The following ABCA6 variants were observed in gnomAD, a reference collection of about 807,000 sequenced individuals.
The protein encoded by ABCA6 is ATP binding cassette subfamily A member 6.
Under a neutral mutation model 191.2 loss-of-function variants are expected in ABCA6, and 164 were observed. That is an observed-to-expected ratio of 0.86 (90% CI 0.76 to 0.98). The LOEUF is 0.98. Ranked by LOEUF, ABCA6 falls within the 50% of genes least tolerant of loss-of-function variation. The pLI is 0.00. For missense variants in ABCA6, 1,958 were observed against 1,894.1 expected, an observed-to-expected ratio of 1.03 and a Z score of -0.63; for synonymous variants, 636 against 647.7, an observed-to-expected ratio of 0.98 and a Z score of 0.27.
intron 3 of ABCA6, 146 bp from the exon 4 acceptor site, chr17:69,136,396 AG>A (rs933306882): frequency 2.0e-5 from 13 of 640,128 alleles, no homozygotes; most frequent in Non-Finnish European, 2.9e-5. Context: ...CCCAAATGCA[AG>A]GGGGGAAATT....
chr17:69,091,066 G>C (rs1388381274), intron 26 of ABCA6, 77 bp downstream of exon 26: 8 of 1,442,066 alleles, frequency 5.5e-6, no homozygotes, highest in Non-Finnish European at 7.5e-6. Flanking sequence ...ACTACTTTCT[G>C]TCTCTCTTGA....
At chr17:69,085,991 G>A (rs1046966340) in intron 30 of ABCA6, among the ~76,000 whole-genome samples, 10 of 151,970 alleles carry the variant, frequency 6.6e-5, no homozygotes, top group Non-Finnish European at 1.2e-4. Context: ...ACTGTTTTCC[G>A]TAATAGATGG....
intron 14 of ABCA6, 28 bp from the exon 15 acceptor site, chr17:69,113,388 T>A (rs754617271): frequency 4.4e-6 from 7 of 1,577,658 alleles, no homozygotes; most frequent in Non-Finnish European, 6.0e-6. Flanking sequence ...ATATAAAATA[T>A]GTCTCTCTTT....
chr17:69,114,600 G>T (rs2144676751), intron 13 of ABCA6, among the ~76,000 whole-genome samples, 162 bp downstream of exon 13: 1 of 152,160 alleles, frequency 6.6e-6, no homozygotes, highest in Non-Finnish European at 1.5e-5. Flanking sequence ...TTCATATTAT[G>T]CAATTTTAAC....
Position 69,091,183 on chromosome 17 carries a change from G to A in ABCA6, c.3488C>T (p.Pro1163Leu). The A allele has an allele frequency of 6.2e-7, 1 of 1,611,392 alleles. No homozygotes were observed. The highest frequency in any genetic ancestry group is 8.5e-7 in the Non-Finnish European group (1 of 1,179,102). ...SILITTMVLV[P>L]SYTLLGFKTF... is the part of the protein sequence containing the mutation. ...TTTAAATCCAAGCAAGGTATATGAA[G>A]GAACCAATACCATGGTGGTAATCAA... The change falls in exon 26 of 39, where the codon CCT becomes CTT. Residue 1163 changes from proline (P) to leucine (L), a missense_variant. Transcript: ENST00000284425.
chr17:69,133,404 A>G (rs73354278), intron 6 of ABCA6, among the ~76,000 whole-genome samples: 1 of 152,238 alleles, frequency 6.6e-6, no homozygotes, highest in South Asian at 2.1e-4. Flanking sequence ...AAAATGAATG[A>G]CAGTCCCCCT....
At chr17:69,135,976 T>A (rs1363775379) in intron 4 of ABCA6, 116 bp downstream of exon 4, 2 of 999,896 alleles carry the variant, frequency 2.0e-6, no homozygotes, top group Non-Finnish European at 3.0e-6. Flanking sequence ...AGCAATGAAA[T>A]GGGCTTTCCC....
chr17:69,115,718 A>T (rs2073526031), intron 11 of ABCA6: 2 of 322,664 alleles, frequency 6.2e-6, no homozygotes, highest in Non-Finnish European at 1.1e-5. Context: ...TGACCAATGG[A>T]ACAGAACAGA....
chr17:69,129,945 T>C (rs1001127688), intron 6 of ABCA6, among the ~76,000 whole-genome samples, 194 bp from the exon 7 acceptor site: 3 of 152,156 alleles, frequency 2.0e-5, no homozygotes, highest in South Asian at 2.1e-4. Context: ...ATAATTGCCA[T>C]TCATCTTCGT....
chr17:69,113,750 A>C lies in ABCA6; in HGVS notation c.1783-13T>G. On this transcript the variant is annotated splice_polypyrimidine_tract_variant and intron_variant, in intron 13 of 38. Coordinates refer to ENST00000284425, the MANE Select transcript of ABCA6 (RefSeq NM_080284.3). ...ATATTCGTTGTACCTATATGAGAAA[A>C]TACGCAACTTTTAAAATCCAAAATG... 1.9e-6 allele frequency: 3 copies of C among 1,604,398 alleles called. No individual in the cohort carries two copies. Among genetic ancestry groups the C allele is most frequent in the Non-Finnish European group, 2.6e-6 (3 of 1,176,114 alleles).
intron 20 of ABCA6, chr17:69,104,720 A>T (rs1422734264): frequency 1.3e-5 from 2 of 150,796 alleles, no homozygotes; most frequent in Non-Finnish European, 3.0e-5. Flanking sequence ...CTATAATCCC[A>T]GCACTTTGGG....
At position 69,105,644 on chromosome 17, in the gene ABCA6, A is replaced by G. The variant is rs747762938; in HGVS notation, c.2574-16T>C. 6.9e-7 allele frequency: 1 copy of G among 1,439,106 alleles called. No individual in the cohort carries two copies. Among genetic ancestry groups the G allele is most frequent in the Admixed American group, 2.1e-5 (1 of 48,174 alleles). The allele number at this position is 1,439,106 out of a possible 1,614,324, so 89.1% of individuals were successfully genotyped here. On this transcript the variant is annotated splice_polypyrimidine_tract_variant and intron_variant, in intron 19 of 38. Transcript: ENST00000284425. ...TACCAATAATCTAAACAATAAAGAAAAATTAGCATATTAATCTCCAGGAAT... is the reference window on the plus strand; with the variant it reads ...TACCAATAATCTAAACAATAAAGAAGAATTAGCATATTAATCTCCAGGAAT...
At position 69,083,267 on chromosome 17, in the gene ABCA6, C is replaced by G. The variant is rs1225928945; in HGVS notation, c.4420G>C (p.Ala1474Pro). ...RGVLLTTHNL[A>P]EAEALCDRVA... ...CGGTCACACAAGGCTTCCGCCTCAGCCAGGTTATGGGTGGTCAGGAGGACA... is the reference window on the plus strand; with the variant it reads ...CGGTCACACAAGGCTTCCGCCTCAGGCAGGTTATGGGTGGTCAGGAGGACA... The change falls in exon 35 of 39, where the codon GCT becomes CCT. Residue 1474 changes from alanine (A) to proline (P), a missense_variant. Physicochemically the swap from Ala to Pro is conservative, Grantham distance 27. Coordinates refer to ENST00000284425, the MANE Select transcript of ABCA6 (RefSeq NM_080284.3). The G allele has an allele frequency of 6.2e-7, 1 of 1,611,848 alleles. No individual in the cohort carries two copies. Among genetic ancestry groups the G allele is most frequent in the Non-Finnish European group, 8.5e-7 (1 of 1,179,448 alleles).
At chr17:69,112,390 A>G in intron 15 of ABCA6, 117 bp from the exon 16 acceptor site, 1 of 709,424 alleles carries the variant, frequency 1.4e-6, no homozygotes, top group Admixed American at 2.3e-5. Context: ...AACAGGGTAT[A>G]ACTAGATCTA....
At chr17:69,138,431 T>C (rs1248697707) in intron 2 of ABCA6, among the ~76,000 whole-genome samples, 1 of 152,170 alleles carries the variant, frequency 6.6e-6, no homozygotes, top group African/African-American at 2.4e-5. Context: ...TTTGAAGCAA[T>C]TGTGAATGGG....
chr17:69,115,078 C>T (rs559771789), intron 12 of ABCA6, 141 bp from the exon 13 acceptor site: 2 of 698,038 alleles, frequency 2.9e-6, no homozygotes, highest in Non-Finnish European at 4.6e-6. Flanking sequence ...TAAATATATG[C>T]TTATAGAACT....
At chr17:69,125,767 C>T (rs2073741018) in intron 8 of ABCA6, among the ~76,000 whole-genome samples, 1 of 151,952 alleles carries the variant, frequency 6.6e-6, no homozygotes, top group Non-Finnish European at 1.5e-5. Context: ...TCTAGGAATC[C>T]AAAATTGAGT....
In ABCA6 at chr17:69,123,314, T is replaced by C. The variant is rs140507537; in HGVS notation, c.1361A>G (p.Glu454Gly). Residue 454 changes from glutamate (E) to glycine (G), a missense_variant, in exon 10 of 39, where the codon GAA (glutamate) becomes GGA (glycine). Coordinates refer to ENST00000284425, the MANE Select transcript of ABCA6 (RefSeq NM_080284.3). ...QRTNAKVIEK[E>G]IDAEHPSDDY... Reference sequence around the variant, plus strand: ...ATCAGAGGGATGCTCAGCATCGATTTCTTTCTCAATAACCTTAGCATTAGT... The same window carrying C: ...ATCAGAGGGATGCTCAGCATCGATTCCTTTCTCAATAACCTTAGCATTAGT... 176 of 1,576,868 alleles carry C rather than the reference T, an allele frequency of 1.1e-4. No homozygotes were observed. The highest frequency in any genetic ancestry group is 1.5e-4 in the Non-Finnish European group (168 of 1,156,954).
chr17:69,134,742 G>GC lies in ABCA6; in HGVS notation c.461-1dup (p.Ala154GlyfsTer9), dbSNP rs773145558. 2.5e-6 allele frequency: 4 copies of GC among 1,606,820 alleles called. No homozygotes were observed. In the South Asian group the frequency reaches 4.4e-5, roughly 18 times the overall value. On this transcript the variant is annotated frameshift_variant and splice_region_variant. Coordinates refer to ENST00000284425, the MANE Select transcript of ABCA6 (RefSeq NM_080284.3). LOFTEE classifies it high-confidence loss of function. ...CTCACCATATCCATCCCAGCAATGA[G>GC]CTGTAAGCACAAAGAAAAGCACAGC...
Sources: gnomAD v4.1 joint callset for allele counts (sites outside exome capture counted in the v4.1 genomes callset) on GRCh38, gnomAD v4.1.1 for gene constraint, MANE v1.5 for transcripts, NCBI Gene and HGNC (gene_info 2026-07-23, HGNC 2026-07-21) for gene names.